IFT74: variants seen among roughly 807,000 people sequenced by gnomAD.
IFT74 encodes intraflagellar transport protein 74 homolog.
Under a neutral mutation model 96.7 loss-of-function variants are expected in IFT74, and 92 were observed. The observed-to-expected ratio is 0.95, with a 90% CI of 0.80 to 1.13. The LOEUF (loss-of-function observed/expected upper bound fraction) is 1.13. IFT74 is among the 50% of genes most tolerant of loss of function. The probability of loss-of-function intolerance (pLI) is 0.00; values close to 1 mark genes in which losing one functional copy is unlikely to be tolerated. For synonymous variants in IFT74, 223 were observed against 213.2 expected, an observed-to-expected ratio of 1.05 and a Z score of -0.40; for missense variants, 811 against 698.2, an observed-to-expected ratio of 1.16 and a Z score of -1.82.
intron 4 of IFT74, among the ~76,000 whole-genome samples, chr9:26,982,881 C>A (rs113674019): frequency 1.3e-5 from 2 of 152,126 alleles, no homozygotes; most frequent in African/African-American, 4.8e-5. Context: ...CGTGAGCTGC[C>A]GCACTCGGCC....
Position 26,948,448 on chromosome 9 carries a change from A to ATTATTTTTTT in IFT74, c.-20+1304_-20+1305insATTTTTTTTT, listed in dbSNP as rs1825819541. ...TGACAACCTGTGATGGCTTTCCATTATTTTTTTTTTTTTTTTTTTTTTTTT... is the reference window on the plus strand; with the variant it reads ...TGACAACCTGTGATGGCTTTCCATTATTATTTTTTTTTTTTTTTTTTTTTTTTTTTTTTTT... On this transcript the variant is annotated intron_variant, in intron 1 of 19. Coordinates refer to the IFT74 transcript ENST00000433700. Among the ~76,000 whole-genome samples, 112 of 59,170 alleles carry ATTATTTTTTT rather than the reference A, an allele frequency of 1.9e-3. 8 individuals are homozygous for ATTATTTTTTT. The Middle Eastern group carries it at 0.042, about 22-fold the overall frequency. 38.8% of individuals were successfully genotyped at this position (59,170 alleles called of 152,430 possible).
At chr9:27,044,880 A>G (rs1819634058) in intron 14 of IFT74, 85 bp downstream of exon 14, 1 of 718,004 alleles carries the variant, frequency 1.4e-6, no homozygotes, top group African/African-American at 1.8e-5. Context: ...CATTTTGGGC[A>G]GATATAATGG....
intron 19 of IFT74, among the ~76,000 whole-genome samples, chr9:27,062,288 G>A (rs1035744994): frequency 2.0e-5 from 3 of 152,136 alleles, no homozygotes; most frequent in Admixed American, 2.0e-4. Context: ...AGAGAACGTG[G>A]TATGTGTATG....
At position 26,980,573 on chromosome 9, in the gene IFT74, C is replaced by A; in HGVS notation, c.259C>A (p.Pro87Thr). The A allele has an allele frequency of 6.2e-7, 1 of 1,600,540 alleles. No individual in the cohort carries two copies. The change falls in exon 4 of 20, where the codon CCC becomes ACC. Residue 87 changes from proline (P) to threonine (T), a missense_variant and splice_region_variant. Physicochemically the swap from Pro to Thr is conservative, Grantham distance 38. Coordinates refer to ENST00000380062, the MANE Select transcript of IFT74 (RefSeq NM_025103.4). ...ACACTTAAAACATTTTTTTTTAGGT[C>A]CCCAGAGGCAAATTTTAGACAAATC... ...LTGMKTGTKG[P>T]QRQILDKSYY...
chr9:26,957,439 T>C (rs2131467425), intron 1 of IFT74, among the ~76,000 whole-genome samples: 1 of 152,356 alleles, frequency 6.6e-6, no homozygotes, highest in Non-Finnish European at 1.5e-5. Context: ...ATGAAATTCC[T>C]TTTTCCATTT....
intron 13 of IFT74, among the ~76,000 whole-genome samples, chr9:27,042,799 A>G (rs964134528): frequency 1.3e-5 from 2 of 152,204 alleles, no homozygotes; most frequent in Non-Finnish European, 2.9e-5. Flanking sequence ...TGGCAGGTTC[A>G]GGAGATAGTA....
chr9:27,056,213 A>G, intron 17 of IFT74, 121 bp from the exon 18 acceptor site: 1 of 723,616 alleles, frequency 1.4e-6, no homozygotes, highest in Non-Finnish European at 2.3e-6. Context: ...CGGGTTTTAG[A>G]GTAGTTATAG....
chr9:27,001,554 G>T (rs564923940), intron 8 of IFT74, among the ~76,000 whole-genome samples: 5 of 152,230 alleles, frequency 3.3e-5, no homozygotes, highest in African/African-American at 9.6e-5. Flanking sequence ...TTCCCTGAGT[G>T]ATTACTGATG....
At chr9:27,049,377 C>A (rs150936190) in intron 16 of IFT74, among the ~76,000 whole-genome samples, 1,884 of 152,244 alleles carry the variant, frequency 0.012, 31 homozygotes, top group South Asian at 0.045. Flanking sequence ...ATAAATAGTA[C>A]ATTCTTTCGG....
At chr9:27,007,805 A>G (rs575307249) in intron 8 of IFT74, among the ~76,000 whole-genome samples, 1 of 152,326 alleles carries the variant, frequency 6.6e-6, no homozygotes, top group South Asian at 2.1e-4. Flanking sequence ...AGATTTTGAA[A>G]CTCAAAATAG....
intron 2 of IFT74, among the ~76,000 whole-genome samples, chr9:26,976,351 T>C (rs548125654): frequency 1.3e-5 from 2 of 152,208 alleles, no homozygotes; most frequent in African/African-American, 4.8e-5. Context: ...AATTTACTTT[T>C]GCGCAGTAGG....
chr9:27,001,993 G>T (rs1303096134), intron 8 of IFT74, among the ~76,000 whole-genome samples: 1 of 151,472 alleles, frequency 6.6e-6, no homozygotes, highest in African/African-American at 2.4e-5. Context: ...AGTTCCACAG[G>T]CTGTACAGGA....
chr9:27,020,777 CT>C (rs1187608186), intron 12 of IFT74, among the ~76,000 whole-genome samples: 1 of 151,958 alleles, frequency 6.6e-6, no homozygotes, highest in African/African-American at 2.4e-5. Flanking sequence ...CCTGGCCTAT[CT>C]TTTTTACTTC....
At chr9:27,044,309 G>A (rs376418873) in intron 13 of IFT74, among the ~76,000 whole-genome samples, 3 of 152,122 alleles carry the variant, frequency 2.0e-5, no homozygotes, top group South Asian at 2.1e-4. Context: ...TGCTCCTATA[G>A]CATCTTTTAT....
At chr9:26,975,980 A>G (rs1827102258) in intron 2 of IFT74, among the ~76,000 whole-genome samples, 1 of 152,196 alleles carries the variant, frequency 6.6e-6, no homozygotes, top group African/African-American at 2.4e-5. Flanking sequence ...TGTTAACATC[A>G]TCTACATACA....
intron 8 of IFT74, among the ~76,000 whole-genome samples, chr9:26,997,187 G>A (rs1828200671): frequency 6.6e-6 from 1 of 150,924 alleles, no homozygotes; most frequent in Non-Finnish European, 1.5e-5. Flanking sequence ...ATTCCAGCCT[G>A]GGTAATAATA....
Position 27,060,654 on chromosome 9 carries a change from A to G in IFT74, c.1684+3A>G, listed in dbSNP as rs1820376362. 1 of 1,599,066 alleles carries G rather than the reference A, an allele frequency of 6.3e-7. No individual in the cohort carries two copies. ...AAATAATTTTGCGATGAAAGAATGT[A>G]TCCTTTAAAAAGCTGAAAATGGGGC... On this transcript the variant is annotated splice_donor_region_variant and intron_variant, in intron 19 of 19. Transcript: ENST00000380062.
intron 12 of IFT74, among the ~76,000 whole-genome samples, chr9:27,025,595 C>T (rs1377792167): frequency 6.6e-6 from 1 of 152,008 alleles, no homozygotes; most frequent in Non-Finnish European, 1.5e-5. Flanking sequence ...GAGGCAAAAG[C>T]ATCAGGTAAC....
chr9:26,977,516 TCTCA>T (rs1474563565), intron 2 of IFT74, among the ~76,000 whole-genome samples: 1 of 152,198 alleles, frequency 6.6e-6, no homozygotes, highest in Non-Finnish European at 1.5e-5. Context: ...TGAGACTGAG[TCTCA>T]CTCTATCGCC....
Sources: allele counts gnomAD v4.1 joint callset (sites outside exome capture counted in the v4.1 genomes callset), GRCh38; gene constraint gnomAD v4.1.1; transcripts MANE v1.5; gene names NCBI Gene and HGNC (gene_info 2026-07-23, HGNC 2026-07-21).